The following ESRRG variants were observed in gnomAD, a reference collection of about 807,000 sequenced individuals.
ESRRG encodes the protein estrogen-related receptor gamma.
ESRRG carries 13 observed loss-of-function variants against 44.0 expected under a neutral mutation model. The ratio of observed to expected loss-of-function variants is 0.30; its 90% confidence interval spans 0.19 to 0.47. The LOEUF (loss-of-function observed/expected upper bound fraction) is 0.47. ESRRG is among the 20% of genes least tolerant of loss of function. The pLI is 1.00. For missense variants in ESRRG, 395 were observed against 580.6 expected (o/e 0.68, Z 3.29); for synonymous variants, 215 against 214.6 (o/e 1.00, Z -0.02).
At position 216,859,988 on chromosome 1, in the gene ESRRG, G is replaced by A. The variant is rs1012181745; in HGVS notation, c.-14+79594C>T. Among the ~76,000 whole-genome samples the A allele has an allele frequency of 7.9e-5, 12 of 152,290 alleles. No individual in the cohort carries two copies. The Middle Eastern group carries it at 0.014, about 173-fold the overall frequency. On this transcript the variant is annotated intron_variant, in intron 2 of 7. Coordinates refer to the ESRRG transcript ENST00000359162. ...GTTAGAAACAGCAGACAAAGGCCAG[G>A]TGCAGTGGCTCATGCCTGTAATCCC...
At chr1:216,988,431 C>T (rs2075211872) in intron 1 of ESRRG, among the ~76,000 whole-genome samples, 1 of 152,214 alleles carries the variant, frequency 6.6e-6, no homozygotes, top group African/African-American at 2.4e-5. Context: ...ATGTATGTTG[C>T]TTGTGAACAC....
intron 3 of ESRRG, among the ~76,000 whole-genome samples, chr1:216,603,599 G>A (rs886941366): frequency 8.5e-5 from 13 of 152,136 alleles, no homozygotes; most frequent in African/African-American, 2.9e-4. Context: ...TAATTTTCAA[G>A]CCATTCTATA....
intron 5 of ESRRG, among the ~76,000 whole-genome samples, chr1:216,557,634 G>A (rs951268085): frequency 3.9e-5 from 6 of 151,914 alleles, no homozygotes; most frequent in African/African-American, 1.4e-4. Context: ...AATAACTATG[G>A]AGATGTTAGT....
intron 1 of ESRRG, among the ~76,000 whole-genome samples, chr1:217,116,416 G>A (rs2092727710): frequency 6.6e-6 from 1 of 152,122 alleles, no homozygotes; most frequent in Non-Finnish European, 1.5e-5. Flanking sequence ...ACTTATGGGC[G>A]ACGTTTGACC....
Position 217,080,708 on chromosome 1 carries a change from C to T in ESRRG, c.-106+8799G>A, listed in dbSNP as rs371509131. Among the ~76,000 whole-genome samples the T allele has an allele frequency of 4.4e-3, 597 of 134,936 alleles. 4 individuals carry two copies. Among genetic ancestry groups the T allele is most frequent in the South Asian group, 8.9e-3 (37 of 4,170 alleles). The allele number at this position is 134,936 out of a possible 152,430, so 88.5% of individuals were successfully genotyped here. On this transcript the variant is annotated intron_variant, in intron 1 of 7. Transcript: ENST00000359162. ...TTTTTTTTTTTTTGAGACAGAGTCT[C>T]GCTCTGTTGCCCAGGCTGGAGTGCA...
At chr1:216,580,878 C>T (rs924338118) in intron 3 of ESRRG, among the ~76,000 whole-genome samples, 4 of 152,182 alleles carry the variant, frequency 2.6e-5, no homozygotes, top group Admixed American at 6.5e-5. Context: ...CAGGTTTTAG[C>T]GTTCCCCTCA....
chr1:216,821,692 ATAAATAAATAAAT>A (rs1181352116), intron 2 of ESRRG, among the ~76,000 whole-genome samples: 13 of 54,156 alleles, frequency 2.4e-4, no homozygotes, highest in African/African-American at 5.3e-4. Flanking sequence ...CTCAGGAAAA[ATAAATAAATAAAT>A]AAATAAATAA....
chr1:216,679,970 G>A (rs1463545969), intron 1 of ESRRG, among the ~76,000 whole-genome samples: 1 of 152,110 alleles, frequency 6.6e-6, no homozygotes, highest in Non-Finnish European at 1.5e-5. Context: ...CTTGGCAATA[G>A]GCTGGATAAA....
At chr1:216,739,445 T>C (rs1575978956) in intron 2 of ESRRG, among the ~76,000 whole-genome samples, 4 of 152,202 alleles carry the variant, frequency 2.6e-5, no homozygotes, top group Non-Finnish European at 4.4e-5. Flanking sequence ...CTGCCAATGC[T>C]CATTGCTCAG....
At position 216,821,818 on chromosome 1, in the gene ESRRG, C is replaced by A. The variant is rs1196198061; in HGVS notation, c.-14+117764G>T. ...ATTTCCTTATGATTCAACCTAATGC[C>A]TATCTCACTTGTGTCTTACAGTGCT... On this transcript the variant is annotated intron_variant, in intron 2 of 7. Coordinates refer to the ESRRG transcript ENST00000359162. Among the ~76,000 whole-genome samples the A allele has an allele frequency of 4.6e-5, 7 of 151,174 alleles. No homozygotes were observed. The East Asian group carries it at 9.7e-4, about 21-fold the overall frequency.
At chr1:217,098,278 C>T (rs2092455185) in intron 1 of ESRRG, among the ~76,000 whole-genome samples, 1 of 152,066 alleles carries the variant, frequency 6.6e-6, no homozygotes, top group Non-Finnish European at 1.5e-5. Context: ...TCTCTGAGTA[C>T]CAAAAAGCAA....
chr1:217,063,016 T>C (rs951416), intron 1 of ESRRG, among the ~76,000 whole-genome samples: 37,584 of 152,040 alleles, frequency 0.25, 5,948 homozygotes, highest in Non-Finnish European at 0.35. Context: ...CCGTTGAGAT[T>C]TAACAGCAGG....
intron 3 of ESRRG, among the ~76,000 whole-genome samples, chr1:216,604,537 C>T (rs919798216): frequency 6.6e-6 from 1 of 152,136 alleles, no homozygotes; most frequent in South Asian, 2.1e-4. Flanking sequence ...CCCAGCCCCC[C>T]ATATCACAAA....
intron 2 of ESRRG, among the ~76,000 whole-genome samples, chr1:216,777,721 G>T (rs1431370331): frequency 6.6e-6 from 1 of 152,064 alleles, no homozygotes; most frequent in Non-Finnish European, 1.5e-5. Context: ...CCTATTGTAA[G>T]TAATCCACAT....
intron 1 of ESRRG, among the ~76,000 whole-genome samples, chr1:217,016,873 C>T (rs1245325207): frequency 6.6e-6 from 1 of 152,108 alleles, no homozygotes; most frequent in African/African-American, 2.4e-5. Flanking sequence ...ATATCCAATG[C>T]CTATATATCT....
intron 2 of ESRRG, among the ~76,000 whole-genome samples, chr1:216,936,850 A>T (rs1192301772): frequency 6.6e-6 from 1 of 152,128 alleles, no homozygotes; most frequent in African/African-American, 2.4e-5. Context: ...TCAGAATCAA[A>T]ATTGCCACCT....
chr1:216,670,154 T>C (rs1011308929), intron 2 of ESRRG, among the ~76,000 whole-genome samples: 1 of 152,238 alleles, frequency 6.6e-6, no homozygotes, highest in Admixed American at 6.5e-5. Flanking sequence ...GGAAAGTTCA[T>C]ATCATGTACA....
intron 2 of ESRRG, among the ~76,000 whole-genome samples, chr1:216,893,512 C>A (rs1425964984): frequency 6.6e-6 from 1 of 152,008 alleles, no homozygotes; most frequent in Admixed American, 6.6e-5. Flanking sequence ...AATATTCAGC[C>A]CTCCATTCAT....
chr1:216,774,178 C>T (rs2093498717), intron 2 of ESRRG, among the ~76,000 whole-genome samples: 1 of 152,120 alleles, frequency 6.6e-6, no homozygotes, highest in African/African-American at 2.4e-5. Context: ...CCTTAGAGAG[C>T]TCGGTCAGAA....
Sources: gnomAD v4.1 joint callset for allele counts (sites outside exome capture counted in the v4.1 genomes callset) on GRCh38, gnomAD v4.1.1 for gene constraint, MANE v1.5 for transcripts, NCBI Gene and HGNC (gene_info 2026-07-23, HGNC 2026-07-21) for gene names.